Variants in TTC23 observed in about 807,000 individuals in gnomAD.
TTC23 encodes the protein tetratricopeptide repeat protein 23.
Under a neutral mutation model 55.1 loss-of-function variants are expected in TTC23, and 58 were observed. That is an observed-to-expected ratio of 1.05 (90% CI 0.85 to 1.31). TTC23 has a LOEUF of 1.31. TTC23 is among the 50% of genes most tolerant of loss of function. The probability of loss-of-function intolerance (pLI) is 0.00; values close to 1 mark genes in which losing one functional copy is unlikely to be tolerated. For missense variants in TTC23, 516 were observed against 534.4 expected (o/e 0.97, Z 0.34); for synonymous variants, 203 against 199.9 (o/e 1.02, Z -0.13).
At position 99,228,658 on chromosome 15, in the gene TTC23, C is replaced by T. The variant is rs2078669493; in HGVS notation, c.55G>A (p.Ala19Thr). 2 of 1,613,434 alleles carry T rather than the reference C, an allele frequency of 1.2e-6. No homozygotes were observed. Among genetic ancestry groups the T allele is most frequent in the African/African-American group, 2.7e-5 (2 of 74,916 alleles). Residue 19 changes from alanine to threonine, a missense_variant, in exon 5 of 14, where the codon GCT (alanine) becomes ACT (threonine). Physicochemically the swap from Ala to Thr is moderately conservative, Grantham distance 58. Coordinates refer to ENST00000394132, the MANE Select transcript of TTC23 (RefSeq NM_001288615.3). ...ISNHLDEVVA[A>T]VSITHRKKFQ... is the part of the protein sequence containing the mutation. ...TTCTTTCTATGAGTGATGCTAACAG[C>T]AGCAACAACTTCATCTAGGTGGTTG...
intron 10 of TTC23, among the ~76,000 whole-genome samples, chr15:99,172,635 C>T (rs2073093132): frequency 6.6e-6 from 1 of 152,198 alleles, no homozygotes; most frequent in African/African-American, 2.4e-5. Context: ...CTGGGTGCCT[C>T]AACTTCTCCA....
chr15:99,228,536 A>G lies in TTC23; in HGVS notation c.177T>C (p.His59=). 1.9e-6 allele frequency: 3 copies of G among 1,609,052 alleles called. No individual in the cohort carries two copies. Among genetic ancestry groups the G allele is most frequent in the Non-Finnish European group, 2.5e-6 (3 of 1,177,228 alleles). ...ACAGAAACAAAAGTCTCCTTACCTCATGACTGTTGGAATAGGACTTTGCTT... is the reference window on the plus strand; with the variant it reads ...ACAGAAACAAAAGTCTCCTTACCTCGTGACTGTTGGAATAGGACTTTGCTT... The part of the protein sequence containing the change: ...EEKAKSYSNS[H]EYKQAVHELV... The change falls in exon 5 of 14, where the codon CAT becomes CAC. Residue 59 remains histidine (H), a synonymous_variant. Transcript: ENST00000394132.
At chr15:99,147,843 A>G (rs1555494743) in intron 12 of TTC23, among the ~76,000 whole-genome samples, 3 of 152,098 alleles carry the variant, frequency 2.0e-5, no homozygotes, top group African/African-American at 7.2e-5. Context: ...GGGAACTCCA[A>G]ATTTGGCTTG....
intron 9 of TTC23, among the ~76,000 whole-genome samples, chr15:99,183,497 ATTTTT>A (rs56660145): frequency 6.9e-5 from 7 of 100,840 alleles, no homozygotes; most frequent in African/African-American, 2.3e-4. Flanking sequence ...GATTTTTTGT[ATTTTT>A]TTTTTTTTTT....
chr15:99,148,763 G>A (rs957158086), intron 12 of TTC23: 3 of 152,212 alleles, frequency 2.0e-5, no homozygotes, highest in Non-Finnish European at 4.4e-5. Context: ...AGGTTTCTAT[G>A]TTGTACAAGT....
At chr15:99,220,277 G>A (rs1291632033) in intron 6 of TTC23, among the ~76,000 whole-genome samples, 1 of 152,166 alleles carries the variant, frequency 6.6e-6, no homozygotes, top group Admixed American at 6.5e-5. Context: ...ACTGAATAAG[G>A]TTATGCATGG....
chr15:99,188,039 C>T (rs2074888015), intron 9 of TTC23, among the ~76,000 whole-genome samples: 1 of 151,958 alleles, frequency 6.6e-6, no homozygotes, highest in Non-Finnish European at 1.5e-5. Flanking sequence ...AAAAATTGTA[C>T]ATGAATGTTC....
At chr15:99,217,696 A>G (rs939099039) in intron 8 of TTC23, among the ~76,000 whole-genome samples, 6 of 152,222 alleles carry the variant, frequency 3.9e-5, no homozygotes, top group Non-Finnish European at 8.8e-5. Context: ...AAACAAAAGA[A>G]CAAAGGGAAT....
intron 1 of TTC23, among the ~76,000 whole-genome samples, chr15:99,247,365 AT>A (rs1230194583): frequency 6.6e-6 from 1 of 152,204 alleles, no homozygotes; most frequent in African/African-American, 2.4e-5. Context: ...ACTTGTACCC[AT>A]CTTCATAGCA....
intron 2 of TTC23, among the ~76,000 whole-genome samples, chr15:99,243,286 C>A (rs1006605235): frequency 6.6e-6 from 1 of 152,270 alleles, no homozygotes; most frequent in East Asian, 1.9e-4. Context: ...AAAGGCAAAT[C>A]AAACTACAAT....
At chr15:99,182,029 G>A (rs2074172200) in intron 9 of TTC23, among the ~76,000 whole-genome samples, 1 of 152,140 alleles carries the variant, frequency 6.6e-6, no homozygotes, top group Non-Finnish European at 1.5e-5. Flanking sequence ...TTGCAAGTAT[G>A]TGTTTTCTTA....
intron 8 of TTC23, among the ~76,000 whole-genome samples, chr15:99,204,921 C>T (rs976964753): frequency 2.6e-5 from 4 of 152,108 alleles, no homozygotes; most frequent in African/African-American, 9.7e-5. Flanking sequence ...CAGGCATGTG[C>T]CCCACTGCCT....
chr15:99,173,162 G>C (rs918109977), intron 10 of TTC23, among the ~76,000 whole-genome samples: 4 of 152,242 alleles, frequency 2.6e-5, no homozygotes, highest in Middle Eastern at 6.8e-3. Context: ...GCCAGTTTAC[G>C]CCCCCAAGGA....
At chr15:99,236,871 G>A (rs1327839299) in intron 3 of TTC23, among the ~76,000 whole-genome samples, 2 of 152,098 alleles carry the variant, frequency 1.3e-5, no homozygotes, top group Admixed American at 1.3e-4. Context: ...TTTTGAAGTA[G>A]CCCAATTTAT....
intron 9 of TTC23, among the ~76,000 whole-genome samples, chr15:99,182,741 G>C (rs2074271685): frequency 6.6e-6 from 1 of 151,656 alleles, no homozygotes; most frequent in Non-Finnish European, 1.5e-5. Context: ...TGAGGTGACT[G>C]GTGGCATATA....
chr15:99,161,869 T>G lies in TTC23; in HGVS notation c.866-2A>C. ...CTTGAAAATACTGCTCAGCTACATC[T>G]GAAGAAAAGCATTTATCATAACTTT... On this transcript the variant is annotated splice_acceptor_variant, in intron 10 of 13. Transcript: ENST00000394132. LOFTEE classifies it high-confidence loss of function. The G allele has an allele frequency of 6.3e-7, 1 of 1,591,674 alleles. No individual in the cohort carries two copies. Among genetic ancestry groups the G allele is most frequent in the Non-Finnish European group, 8.5e-7 (1 of 1,173,746 alleles).
At position 99,245,407 on chromosome 15, in the gene TTC23, G is replaced by C. The variant is rs1013627126; in HGVS notation, c.-327C>G. Reference sequence around the variant, plus strand: ...TAAGTACCTGTAATTCCAGCTACTCGAGAGGCTGAGGCAGGAGAATCGCTT... The same window carrying C: ...TAAGTACCTGTAATTCCAGCTACTCCAGAGGCTGAGGCAGGAGAATCGCTT... On this transcript the variant is annotated 5_prime_UTR_variant, in exon 2 of 14. Transcript: ENST00000394132. 2 of 152,014 alleles carry C rather than the reference G, an allele frequency of 1.3e-5. No individual in the cohort carries two copies. The highest frequency in any genetic ancestry group is 6.6e-5 in the Admixed American group (1 of 15,204). 9.4% of individuals were successfully genotyped at this position (152,014 alleles called of 1,614,324 possible). A position where few individuals can be genotyped will look rare whatever the true frequency, so the allele number is the denominator to read the frequency against.
At chr15:99,224,878 T>C (rs541036641) in intron 5 of TTC23, among the ~76,000 whole-genome samples, 1 of 152,360 alleles carries the variant, frequency 6.6e-6, no homozygotes, top group East Asian at 1.9e-4. Context: ...TTGATGAGGC[T>C]GAGCATCTTC....
intron 11 of TTC23, among the ~76,000 whole-genome samples, chr15:99,161,331 G>A (rs907653073): frequency 6.6e-6 from 1 of 152,114 alleles, no homozygotes; most frequent in African/African-American, 2.4e-5. Context: ...ACGCTTGTAC[G>A]AATCAATACT....
Sources: allele counts gnomAD v4.1 joint callset (sites outside exome capture counted in the v4.1 genomes callset), GRCh38; gene constraint gnomAD v4.1.1; transcripts MANE v1.5; gene names NCBI Gene and HGNC (gene_info 2026-07-23, HGNC 2026-07-21).